The following CTNND2 variants were observed in gnomAD, a reference collection of about 807,000 sequenced individuals.
The protein encoded by CTNND2 is catenin delta 2.
In CTNND2, 22 loss-of-function variants were observed where a neutral mutation model predicts 144.4. The ratio of observed to expected loss-of-function variants is 0.15; its 90% CI spans 0.11 to 0.22. The LOEUF is 0.22. Among genes scored for constraint, CTNND2 ranks in the 10% least tolerant of loss-of-function variants. The pLI is 1.00. For missense variants in CTNND2, 1,353 were observed against 1,618.8 expected (o/e 0.84, Z 2.82); for synonymous variants, 751 against 695.6 (o/e 1.08, Z -1.25).
chr5:11,224,158 C>T (rs1335688206), intron 10 of CTNND2, among the ~76,000 whole-genome samples: 1 of 152,146 alleles, frequency 6.6e-6, no homozygotes, highest in Non-Finnish European at 1.5e-5. Context: ...GTAATTCTGT[C>T]CCAGGCTGTT....
rs1403651160 is a variant in CTNND2 at position 11,322,792 on chromosome 5, C to A, written c.1628+23580G>T. Reference sequence around the variant, plus strand: ...CCTTCGGCAGGTAACAAAGCACATGCATGTATTTTTTTAAATAAATACATT... The same window carrying A: ...CCTTCGGCAGGTAACAAAGCACATGAATGTATTTTTTTAAATAAATACATT... On this transcript the variant is annotated intron_variant, in intron 9 of 21. Transcript: ENST00000304623. 2.6e-5 allele frequency among the ~76,000 whole-genome samples: 4 copies of A among 152,194 alleles called. 1 individual carries two copies. Among genetic ancestry groups the A allele is most frequent in the East Asian group, 1.9e-4 (1 of 5,184 alleles).
chr5:11,853,968 A>G (rs915415011), intron 1 of CTNND2, among the ~76,000 whole-genome samples: 3 of 152,170 alleles, frequency 2.0e-5, no homozygotes, highest in South Asian at 2.1e-4. Flanking sequence ...GGTTCATCAG[A>G]CTGATCCAAG....
At chr5:11,457,690 T>C (rs1035327426) in intron 3 of CTNND2, among the ~76,000 whole-genome samples, 3 of 152,234 alleles carry the variant, frequency 2.0e-5, no homozygotes, top group African/African-American at 7.2e-5. Context: ...CAGGCATTTT[T>C]GGCCATCTCT....
intron 16 of CTNND2, among the ~76,000 whole-genome samples, chr5:11,023,585 A>G (rs1262748402): frequency 6.6e-6 from 1 of 152,214 alleles, no homozygotes; most frequent in African/African-American, 2.4e-5. Context: ...GAGGTACTTG[A>G]CAATCTATAA....
chr5:11,090,075 G>T (rs868593861), intron 15 of CTNND2, among the ~76,000 whole-genome samples: 1 of 152,154 alleles, frequency 6.6e-6, no homozygotes, highest in Non-Finnish European at 1.5e-5. Context: ...GTGTTCTAAA[G>T]CCAAACAAAT....
At position 10,988,247 on chromosome 5, in the gene CTNND2, A is replaced by T; in HGVS notation, c.3212-5T>A. ...GAGGTGAAGCTGGGGCACTTGCTAC[A>T]TAAAGAAATCAAAAGGGGGATTTTC... On this transcript the variant is annotated splice_polypyrimidine_tract_variant and splice_region_variant and intron_variant, in intron 19 of 21. Coordinates refer to ENST00000304623, the MANE Select transcript of CTNND2 (RefSeq NM_001332.4). The surrounding 1 kb of genome is among the most constrained non-coding windows in gnomAD (Gnocchi z 5.9). 1 of 1,614,168 alleles carries T rather than the reference A, an allele frequency of 6.2e-7. No individual in the cohort carries two copies. The highest frequency in any genetic ancestry group is 8.5e-7 in the Non-Finnish European group (1 of 1,179,988).
At chr5:11,210,813 A>G (rs1738551972) in intron 10 of CTNND2, among the ~76,000 whole-genome samples, 1 of 152,220 alleles carries the variant, frequency 6.6e-6, no homozygotes, top group Admixed American at 6.5e-5. Flanking sequence ...TGTTTGGCAA[A>G]TGTTTCCTGT....
chr5:11,267,420 G>A (rs1745554524), intron 9 of CTNND2, among the ~76,000 whole-genome samples: 1 of 152,258 alleles, frequency 6.6e-6, no homozygotes, highest in East Asian at 1.9e-4. Flanking sequence ...CCTCTCCAGG[G>A]GAAAGCCATT....
intron 1 of CTNND2, among the ~76,000 whole-genome samples, chr5:11,880,956 T>C (rs1224434693): frequency 2.0e-5 from 3 of 146,992 alleles, no homozygotes; most frequent in Non-Finnish European, 4.5e-5. Context: ...CTACTACTAC[T>C]ACCACTACTA....
At chr5:11,179,319 C>CA (rs1196871854) in intron 11 of CTNND2, among the ~76,000 whole-genome samples, 3 of 151,482 alleles carry the variant, frequency 2.0e-5, no homozygotes, top group Admixed American at 6.6e-5. Flanking sequence ...AACAAAAAAA[C>CA]AAAAAAACAA....
At chr5:11,331,520 T>C (rs568172188) in intron 9 of CTNND2, among the ~76,000 whole-genome samples, 13 of 152,364 alleles carry the variant, frequency 8.5e-5, no homozygotes, top group Non-Finnish European at 1.6e-4. Context: ...AAATGTGATC[T>C]ATTTTTAAGT....
intron 3 of CTNND2, among the ~76,000 whole-genome samples, chr5:11,557,612 C>T (rs1034115389): frequency 6.6e-6 from 1 of 152,180 alleles, no homozygotes; most frequent in Non-Finnish European, 1.5e-5. Flanking sequence ...CCTCCAGACC[C>T]AGATTTAAAG....
chr5:11,017,906 G>A (rs188115817), intron 18 of CTNND2, 68 bp downstream of exon 18: 352 of 1,235,874 alleles, frequency 2.8e-4, no homozygotes, highest in African/African-American at 1.7e-3. Context: ...TGCCCTCCAC[G>A]TCTGTGACGC....
At chr5:11,350,689 G>C (rs1297262208) in intron 8 of CTNND2, among the ~76,000 whole-genome samples, 1 of 152,056 alleles carries the variant, frequency 6.6e-6, no homozygotes, top group Non-Finnish European at 1.5e-5. Flanking sequence ...TCAATGCAAT[G>C]AAAATAATGT....
chr5:11,527,774 T>A (rs556001326), intron 3 of CTNND2, among the ~76,000 whole-genome samples: 2 of 152,290 alleles, frequency 1.3e-5, no homozygotes, highest in South Asian at 4.1e-4. Context: ...GAAAGGGTGA[T>A]CTTATGCTTT....
At chr5:11,897,357 A>G (rs1266536031) in intron 1 of CTNND2, among the ~76,000 whole-genome samples, 4 of 152,234 alleles carry the variant, frequency 2.6e-5, no homozygotes, top group African/African-American at 9.6e-5. Flanking sequence ...AGACTTAAAT[A>G]CAACATCGTA....
At chr5:11,129,240 T>TAATATATAA (rs1311100392) in intron 12 of CTNND2, among the ~76,000 whole-genome samples, 1 of 43,892 alleles carries the variant, frequency 2.3e-5, no homozygotes, top group East Asian at 8.3e-4. Flanking sequence ...ATATTATATA[T>TAATATATAA]TATATATTAT....
At chr5:11,772,704 T>C (rs1212819059) in intron 1 of CTNND2, among the ~76,000 whole-genome samples, 3 of 152,160 alleles carry the variant, frequency 2.0e-5, no homozygotes, top group Non-Finnish European at 2.9e-5. Flanking sequence ...TTTGATCCAA[T>C]TGAATGTCAC....
rs545233031 is a variant in CTNND2 at position 11,444,823 on chromosome 5, G to A, written c.288-32754C>T. The stretch of plus-strand genomic sequence containing the variant: ...TGGGACCTGTGGACAGGAAAGTGTC[G>A]ATAAAGCCTTGAGCTGTGCTGAGGT... On this transcript the variant is annotated intron_variant, in intron 3 of 21. Coordinates refer to ENST00000304623, the MANE Select transcript of CTNND2 (RefSeq NM_001332.4). 4.6e-4 allele frequency among the ~76,000 whole-genome samples: 70 copies of A among 152,322 alleles called. 1 individual carries two copies. Among genetic ancestry groups the A allele is most frequent in the South Asian group, 2.5e-3 (12 of 4,826 alleles).
Sources: gnomAD v4.1 joint callset for allele counts (sites outside exome capture counted in the v4.1 genomes callset) on GRCh38, gnomAD v4.1.1 for gene constraint, Gnocchi (gnomAD v3.1) non-coding constraint, MANE v1.5 for transcripts, NCBI Gene and HGNC (gene_info 2026-07-23, HGNC 2026-07-21) for gene names.